FOXP1: variants seen among roughly 807,000 people sequenced by gnomAD.
The protein encoded by FOXP1 is forkhead box protein P1.
A neutral mutation model predicts 98.2 loss-of-function variants in FOXP1; 15 were observed. The ratio of observed to expected loss-of-function variants is 0.15; its 90% CI spans 0.10 to 0.24. The LOEUF is 0.24. FOXP1 is among the 10% of genes least tolerant of loss of function. The pLI is 1.00. For missense variants in FOXP1, 633 were observed against 848.5 expected (o/e 0.75, Z 3.15); for synonymous variants, 371 against 314.5 (o/e 1.18, Z -1.90).
chr3:71,313,368 A>C (rs9866620), intron 4 of FOXP1, among the ~76,000 whole-genome samples: 143,472 of 152,062 alleles, frequency 0.94, 68,262 homozygotes, highest in East Asian at 1. Flanking sequence ...CAAGCTAATT[A>C]TTTAAAAAGC....
chr3:70,962,134 T>C (rs1299463117), intron 20 of FOXP1, among the ~76,000 whole-genome samples: 1 of 152,246 alleles, frequency 6.6e-6, no homozygotes, highest in Non-Finnish European at 1.5e-5. Context: ...TTAAATATTG[T>C]AAATTCAGCA....
At chr3:71,521,093 G>T (rs1577985630) in intron 2 of FOXP1, among the ~76,000 whole-genome samples, 1 of 152,282 alleles carries the variant, frequency 6.6e-6, no homozygotes, top group South Asian at 2.1e-4. Flanking sequence ...TAAAATGCAG[G>T]AAAGTCAAGG....
At chr3:71,087,020 T>A (rs2055182213) in intron 7 of FOXP1, among the ~76,000 whole-genome samples, 1 of 152,112 alleles carries the variant, frequency 6.6e-6, no homozygotes, top group Admixed American at 6.5e-5. Flanking sequence ...GAAGGCCCCA[T>A]AAGAAAAATG....
At chr3:71,476,855 T>C (rs917617635) in intron 3 of FOXP1, among the ~76,000 whole-genome samples, 11 of 152,254 alleles carry the variant, frequency 7.2e-5, no homozygotes, top group African/African-American at 2.6e-4. Flanking sequence ...TTTCCTGTCC[T>C]TTGGTCTTAT....
At chr3:71,220,794 TTA>T (rs2065312983) in intron 5 of FOXP1, among the ~76,000 whole-genome samples, 3 of 97,792 alleles carry the variant, frequency 3.1e-5, no homozygotes, top group African/African-American at 4.3e-5. Flanking sequence ...AAATAAAAGA[TTA>T]TGAGGAGAAA....
intron 5 of FOXP1, among the ~76,000 whole-genome samples, chr3:71,206,949 C>A (rs2064084657): frequency 6.6e-6 from 1 of 152,066 alleles, no homozygotes; most frequent in Non-Finnish European, 1.5e-5. Flanking sequence ...GAATGCATAC[C>A]CACTCCCTCG....
intron 3 of FOXP1, among the ~76,000 whole-genome samples, chr3:71,410,413 C>T (rs527502708): frequency 6.6e-6 from 1 of 152,234 alleles, no homozygotes; most frequent in South Asian, 2.1e-4. Flanking sequence ...ATCTTTGTTT[C>T]CAACTTTTTT....
intron 4 of FOXP1, among the ~76,000 whole-genome samples, chr3:71,345,397 T>TACACAC (rs71120315): frequency 1.1e-4 from 15 of 141,854 alleles, no homozygotes; most frequent in African/African-American, 2.2e-4. Context: ...CAAATATATA[T>TACACAC]ACACACACAC....
intron 2 of FOXP1, among the ~76,000 whole-genome samples, chr3:71,498,965 C>T (rs572268187): frequency 1.8e-4 from 27 of 152,274 alleles, no homozygotes; most frequent in Admixed American, 2.0e-4. Flanking sequence ...CCCACCTTGA[C>T]CTCTCCCATG....
chr3:71,215,261 G>C (rs754407439), intron 5 of FOXP1, among the ~76,000 whole-genome samples: 1 of 151,982 alleles, frequency 6.6e-6, no homozygotes, highest in Non-Finnish European at 1.5e-5. Context: ...GATTTCACTC[G>C]TCCTTCTAAG....
At chr3:71,215,960 G>A (rs2064882541) in intron 5 of FOXP1, among the ~76,000 whole-genome samples, 1 of 152,224 alleles carries the variant, frequency 6.6e-6, no homozygotes, top group South Asian at 2.1e-4. Context: ...TATGCAGTTT[G>A]TTGAAGTCAA....
At chr3:71,105,117 C>T (rs1459685314) in intron 7 of FOXP1, among the ~76,000 whole-genome samples, 1 of 152,222 alleles carries the variant, frequency 6.6e-6, no homozygotes, top group African/African-American at 2.4e-5. Flanking sequence ...ACAGAAACCA[C>T]TATGGGTGGT....
chr3:71,181,807 CG>C (rs2062313456), intron 6 of FOXP1, among the ~76,000 whole-genome samples: 1 of 151,894 alleles, frequency 6.6e-6, no homozygotes, highest in African/African-American at 2.4e-5. Context: ...CTGAGGAGGA[CG>C]GATGATGAGG....
chr3:71,032,667 C>T (rs9861314), intron 11 of FOXP1, among the ~76,000 whole-genome samples: 37,677 of 152,116 alleles, frequency 0.25, 11,211 homozygotes, highest in African/African-American at 0.72. Flanking sequence ...GGAGCCAGGC[C>T]ACGGGGTAAC....
rs1305430376 is a variant in FOXP1 at position 71,397,025 on chromosome 3, C to CACACAT, written c.-167-37782_-167-37781insATGTGT. Among the ~76,000 whole-genome samples the CACACAT allele has an allele frequency of 1.1e-3, 19 of 17,012 alleles. 4 individuals carry two copies. The highest frequency in any genetic ancestry group is 1.5e-3 in the Non-Finnish European group (9 of 6,184). 11.2% of individuals were successfully genotyped at this position (17,012 alleles called of 152,430 possible). A position where few individuals can be genotyped will look rare whatever the true frequency, so the allele number is the denominator to read the frequency against. ...ATATATGTGTATATATATATATATA[C>CACACAT]ATATATATGTGTATATATATATACA... On this transcript the variant is annotated intron_variant, in intron 3 of 20. Transcript: ENST00000649528.
At chr3:71,302,916 C>T (rs2073969930) in intron 4 of FOXP1, 1 of 152,142 alleles carries the variant, frequency 6.6e-6, no homozygotes, top group African/African-American at 2.4e-5. Flanking sequence ...CCCCTCCTCC[C>T]TAATTAGGAC....
At chr3:71,014,266 G>A (rs909957273) in intron 12 of FOXP1, among the ~76,000 whole-genome samples, 1 of 151,658 alleles carries the variant, frequency 6.6e-6, no homozygotes, top group Non-Finnish European at 1.5e-5. Context: ...CTGACAAAGG[G>A]CTAATCTACA....
intron 9 of FOXP1, among the ~76,000 whole-genome samples, chr3:71,047,544 C>T (rs2049198751): frequency 1.3e-5 from 2 of 152,270 alleles, no homozygotes; most frequent in South Asian, 4.2e-4. Flanking sequence ...TTTATCACTT[C>T]TGACATAAAT....
chr3:71,442,142 C>T (rs147194691), intron 3 of FOXP1, among the ~76,000 whole-genome samples: 1 of 152,224 alleles, frequency 6.6e-6, no homozygotes, highest in African/African-American at 2.4e-5. Context: ...GACTTGGTGC[C>T]CCACTTTTGT....
Sources: gnomAD v4.1 joint callset for allele counts (sites outside exome capture counted in the v4.1 genomes callset) on GRCh38, gnomAD v4.1.1 for gene constraint, MANE v1.5 for transcripts, NCBI Gene and HGNC (gene_info 2026-07-23, HGNC 2026-07-21) for gene names.